The following KCNG3 variants were observed in gnomAD, a reference collection of about 807,000 sequenced individuals.
KCNG3 encodes voltage-gated potassium channel regulatory subunit KCNG3.
Under a neutral mutation model 29.0 loss-of-function variants are expected in KCNG3, and 15 were observed. The ratio of observed to expected loss-of-function variants is 0.52; its 90% CI spans 0.35 to 0.80. KCNG3 has a LOEUF of 0.80. Ranked by LOEUF, KCNG3 falls within the 30% of genes least tolerant of loss-of-function variation. The pLI, the probability that KCNG3 is intolerant of heterozygous loss-of-function variation, is 0.01. For synonymous variants in KCNG3, 322 were observed against 248.9 expected, an observed-to-expected ratio of 1.29 and a Z score of -2.76; for missense variants, 512 against 605.7, an observed-to-expected ratio of 0.85 and a Z score of 1.62.
chr2:42,461,380 G>A (rs1378412315), intron 1 of KCNG3, among the ~76,000 whole-genome samples: 3 of 151,946 alleles, frequency 2.0e-5, no homozygotes, highest in Non-Finnish European at 4.4e-5. Flanking sequence ...TGAGGCTCTT[G>A]AGAGTCAGAA....
the KCNG3 span, among the ~76,000 whole-genome samples, chr2:42,410,807 CTTCT>C: frequency 1.3e-3 from 202 of 151,912 alleles, 3 homozygotes; most frequent in East Asian, 0.019. Flanking sequence ...TTTGACTTTG[CTTCT>C]TTCTTTCTTT....
rs35392805 is a variant in KCNG3 at position 42,445,073 on chromosome 2, TAA to T, written c.666-496_666-495del. Among the ~76,000 whole-genome samples the T allele has an allele frequency of 1.2e-3, 165 of 136,352 alleles. 1 individual carries two copies. The highest frequency in any genetic ancestry group is 2.5e-3 in the East Asian group (12 of 4,712). 89.5% of individuals were successfully genotyped at this position (136,352 alleles called of 152,430 possible). On this transcript the variant is annotated intron_variant, in intron 1 of 1. Coordinates refer to ENST00000306078, the MANE Select transcript of KCNG3 (RefSeq NM_133329.6). ...CAGAAAGAGACCCTGTCTCAAAAAT[TAA>T]AAAAAAAAAAAAAAAAAATTGAACT... is the stretch of plus-strand genomic sequence containing the variant.
At chr2:42,434,170 G>T in the KCNG3 span, among the ~76,000 whole-genome samples, 1 of 152,086 alleles carries the variant, frequency 6.6e-6, no homozygotes, top group Non-Finnish European at 1.5e-5. Context: ...TACAAGGAAT[G>T]GCCAGGCACT....
At chr2:42,397,512 G>A in the KCNG3 span, among the ~76,000 whole-genome samples, 3 of 152,154 alleles carry the variant, frequency 2.0e-5, no homozygotes, top group Admixed American at 1.3e-4. Context: ...TTTCAACTTT[G>A]GAATTATGGT....
chr2:42,396,595 G>T, the KCNG3 span, among the ~76,000 whole-genome samples: 1 of 152,116 alleles, frequency 6.6e-6, no homozygotes, highest in African/African-American at 2.4e-5. Flanking sequence ...AGTCCACAAG[G>T]GCCAGTGAGA....
the KCNG3 span, among the ~76,000 whole-genome samples, chr2:42,425,876 T>G: frequency 6.6e-6 from 1 of 152,156 alleles, no homozygotes; most frequent in South Asian, 2.1e-4. Flanking sequence ...GAAGTTTTGG[T>G]TCAGAACAAA....
chr2:42,462,717 C>A (rs565973256), intron 1 of KCNG3, among the ~76,000 whole-genome samples: 304 of 152,146 alleles, frequency 2.0e-3, no homozygotes, highest in African/African-American at 7.1e-3. Context: ...ATTAAAAAGT[C>A]TTTGTCAGGT....
At chr2:42,486,187 T>A (rs908791927) in intron 1 of KCNG3, among the ~76,000 whole-genome samples, 1 of 152,080 alleles carries the variant, frequency 6.6e-6, no homozygotes, top group Non-Finnish European at 1.5e-5. Context: ...AGCGAGAGGG[T>A]CCCCAGTGCC....
At chr2:42,456,931 A>C (rs769577165) in intron 1 of KCNG3, among the ~76,000 whole-genome samples, 6 of 152,214 alleles carry the variant, frequency 3.9e-5, no homozygotes, top group Admixed American at 6.5e-5. Context: ...ATAGGAAAAA[A>C]GTAGGGTTTT....
chr2:42,477,530 C>T (rs1189563864), intron 1 of KCNG3, among the ~76,000 whole-genome samples: 1 of 149,768 alleles, frequency 6.7e-6, no homozygotes, highest in Non-Finnish European at 1.5e-5. Flanking sequence ...CGGGTTCACG[C>T]CGTTCTCCTG....
chr2:42,414,188 C>T, the KCNG3 span, among the ~76,000 whole-genome samples: 1 of 152,142 alleles, frequency 6.6e-6, no homozygotes, highest in African/African-American at 2.4e-5. Flanking sequence ...TGGCATCATG[C>T]TCTTTCCTTT....
At chr2:42,434,822 T>C in the KCNG3 span, among the ~76,000 whole-genome samples, 1 of 152,138 alleles carries the variant, frequency 6.6e-6, no homozygotes, top group South Asian at 2.1e-4. Context: ...CACACATCTA[T>C]GGTCAATTGA....
intron 1 of KCNG3, among the ~76,000 whole-genome samples, chr2:42,466,253 A>G (rs572206245): frequency 1.3e-5 from 2 of 152,230 alleles, no homozygotes; most frequent in Admixed American, 1.3e-4. Context: ...CAAAAATACA[A>G]AAATTAGTCA....
chr2:42,450,342 T>C (rs1282794892), intron 1 of KCNG3, among the ~76,000 whole-genome samples: 1 of 152,192 alleles, frequency 6.6e-6, no homozygotes, highest in Non-Finnish European at 1.5e-5. Flanking sequence ...GGCATCATTT[T>C]CACCTTCAAT....
chr2:42,417,493 G>C, the KCNG3 span, among the ~76,000 whole-genome samples: 2 of 151,810 alleles, frequency 1.3e-5, no homozygotes, highest in African/African-American at 2.4e-5. Context: ...GCTAATTTTT[G>C]TATTTTTTCT....
chr2:42,434,615 G>A, the KCNG3 span, among the ~76,000 whole-genome samples: 2 of 136,070 alleles, frequency 1.5e-5, no homozygotes, highest in East Asian at 4.3e-4. Context: ...GCAGTGAGCC[G>A]AGATCGCACC....
chr2:42,481,220 C>T (rs887391753), intron 1 of KCNG3, among the ~76,000 whole-genome samples: 1 of 152,188 alleles, frequency 6.6e-6, no homozygotes, highest in African/African-American at 2.4e-5. Context: ...TGAGTAGAGA[C>T]CCTTGTCATA....
Position 42,444,561 on chromosome 2 carries a change from G to A in KCNG3, c.684C>T (p.Cys228=). 1 of 1,607,238 alleles carries A rather than the reference G, an allele frequency of 6.2e-7. No homozygotes were observed. Among genetic ancestry groups the A allele is most frequent in the Non-Finnish European group, 8.5e-7 (1 of 1,176,188 alleles). ...TGCACTCGGCAGTGAACCAACCTAT[G>A]CAGATAGCTTCAATTATCCTGTCAA... ...REPSGIIEAI[C]IGWFTAECIV... is the part of the protein sequence containing the mutation. The change falls in exon 2 of 2, where the codon TGC becomes TGT. Residue 228 remains cysteine (C), a synonymous_variant. Coordinates refer to ENST00000306078, the MANE Select transcript of KCNG3 (RefSeq NM_133329.6). This position sits in a 1 kb window ranked among gnomAD's most constrained non-coding sequence, Gnocchi z 5.8.
chr2:42,447,404 GTAAA>G (rs1182140658), intron 1 of KCNG3, among the ~76,000 whole-genome samples: 3 of 152,116 alleles, frequency 2.0e-5, no homozygotes, highest in African/African-American at 7.2e-5. Context: ...TTCCAAATCA[GTAAA>G]TAGAGAGCTC....
Sources: gnomAD v4.1 joint callset for allele counts (sites outside exome capture counted in the v4.1 genomes callset) on GRCh38, gnomAD v4.1.1 for gene constraint, Gnocchi (gnomAD v3.1) non-coding constraint, MANE v1.5 for transcripts, NCBI Gene and HGNC (gene_info 2026-07-23, HGNC 2026-07-21) for gene names.